Variants in LYPD5 observed in about 807,000 individuals in gnomAD.
LYPD5 encodes the protein LY6/PLAUR domain containing 5, also known as ly6/PLAUR domain-containing protein 5.
In LYPD5, 21 loss-of-function variants were observed where a neutral mutation model predicts 19.1. That is an observed-to-expected ratio of 1.10 (90% CI 0.78 to 1.58). The LOEUF is 1.58. LYPD5 is among the 40% of genes most tolerant of loss of function. The probability of loss-of-function intolerance (pLI) is 0.00; values close to 1 mark genes in which losing one functional copy is unlikely to be tolerated. For synonymous variants in LYPD5, 128 were observed against 142.7 expected (o/e 0.90, Z 0.74); for missense variants, 287 against 329.8 (o/e 0.87, Z 1.00).
intron 1 of LYPD5, among the ~76,000 whole-genome samples, chr19:43,811,648 TGCC>T (rs1199518182): frequency 8.0e-5 from 12 of 150,424 alleles, no homozygotes; most frequent in African/African-American, 2.9e-4. Context: ...ATCACGCCAC[TGCC>T]CTCTAGCCTG....
rs1970235613 is a variant in LYPD5, at chr19:43,802,408, C to T, written c.-28G>A. The T allele has an allele frequency of 6.5e-7, 1 of 1,549,332 alleles. No homozygotes were observed. The highest frequency in any genetic ancestry group is 1.4e-5 in the African/African-American group (1 of 72,982). On this transcript the variant is annotated 5_prime_UTR_variant, in exon 1 of 5. Transcript: ENST00000377950. ...CTGAGCTGGGCCACCTGGGACAGCT[C>T]CTCCCGCTGTGATGTGCTGCCTGGC... is the stretch of plus-strand genomic sequence containing the variant.
intron 1 of LYPD5, 94 bp from the exon 2 acceptor site, chr19:43,799,928 T>G (rs1326423527): frequency 1.4e-6 from 2 of 1,417,832 alleles, no homozygotes; most frequent in African/African-American, 2.9e-5. Flanking sequence ...CACACGGGCC[T>G]GGCCCCTCTG....
upstream of LYPD5, among the ~76,000 whole-genome samples, chr19:43,802,739 C>G (rs890072851): frequency 6.6e-6 from 1 of 152,110 alleles, no homozygotes; most frequent in Non-Finnish European, 1.5e-5. Flanking sequence ...CCCCAACACA[C>G]ACCACCCACA....
chr19:43,801,289 C>T (rs1970221154), intron 1 of LYPD5, among the ~76,000 whole-genome samples: 1 of 152,084 alleles, frequency 6.6e-6, no homozygotes, highest in Non-Finnish European at 1.5e-5. Flanking sequence ...TGCTTGAGCT[C>T]AGGAGTTTGA....
intron 1 of LYPD5, among the ~76,000 whole-genome samples, chr19:43,809,367 T>C (rs1214254649): frequency 1.3e-5 from 2 of 150,962 alleles, no homozygotes; most frequent in African/African-American, 4.9e-5. Flanking sequence ...TTGTGCCAAG[T>C]GAAAGGACTT....
At position 43,796,363 on chromosome 19, in the gene LYPD5, A is replaced by G. The variant is rs1239369989; in HGVS notation, c.*1228T>C. On this transcript the variant is annotated 3_prime_UTR_variant, in exon 5 of 5. Coordinates refer to ENST00000377950, the MANE Select transcript of LYPD5 (RefSeq NM_001031749.3). Reference sequence around the variant, plus strand: ...GAACATGCTAAAGGATCCCATCTCTATGAAGTTCATGCAGTTATGAAAGTG... The same window carrying G: ...GAACATGCTAAAGGATCCCATCTCTGTGAAGTTCATGCAGTTATGAAAGTG... 1 of 148,674 alleles carries G rather than the reference A, an allele frequency of 6.7e-6. No individual in the cohort carries two copies. The highest frequency in any genetic ancestry group is 2.5e-5 in the African/African-American group (1 of 40,220). The allele number at this position is 148,674 out of a possible 1,614,324, so 9.2% of individuals were successfully genotyped here. A position where few individuals can be genotyped will look rare whatever the true frequency, so the allele number is the denominator to read the frequency against.
chr19:43,804,055 C>A (rs754310131), upstream of LYPD5, among the ~76,000 whole-genome samples: 1 of 152,154 alleles, frequency 6.6e-6, no homozygotes, highest in South Asian at 2.1e-4. Flanking sequence ...CCAGGCTGGT[C>A]TTGAATTCCT....
chr19:43,819,355 G>C (rs2146511402), intron 1 of LYPD5, among the ~76,000 whole-genome samples: 1 of 139,556 alleles, frequency 7.2e-6, no homozygotes, highest in Middle Eastern at 3.9e-3. Flanking sequence ...CATGATCTCA[G>C]CTCACTGCAA....
upstream of LYPD5, among the ~76,000 whole-genome samples, chr19:43,807,314 CTT>C (rs1289009345): frequency 1.4e-5 from 2 of 143,230 alleles, no homozygotes; most frequent in Non-Finnish European, 3.0e-5. Context: ...GAGTTTCGCT[CTT>C]GTTACCCAGG....
Position 43,797,354 on chromosome 19 carries a change from C to A in LYPD5, c.*237G>T. ...AGTAACAGCTGTGATCAGAATTGCT[C>A]TTCATCGGGGCACGACATGGCTGTT... On this transcript the variant is annotated 3_prime_UTR_variant, in exon 5 of 5. Coordinates refer to ENST00000377950, the MANE Select transcript of LYPD5 (RefSeq NM_001031749.3). 1 of 518,860 alleles carries A rather than the reference C, an allele frequency of 1.9e-6. No individual in the cohort carries two copies. Among genetic ancestry groups the A allele is most frequent in the Non-Finnish European group, 3.4e-6 (1 of 291,412 alleles). 32.1% of individuals were successfully genotyped at this position (518,860 alleles called of 1,614,324 possible). A position where few individuals can be genotyped will look rare whatever the true frequency, so the allele number is the denominator to read the frequency against.
Position 43,796,506 on chromosome 19 carries a change from T to C in LYPD5, c.*1085A>G, listed in dbSNP as rs984518930. On this transcript the variant is annotated 3_prime_UTR_variant, in exon 5 of 5. Transcript: ENST00000377950. Reference sequence around the variant, plus strand: ...TCCTGCTTCTTTTTGCCAGCTACTATTGATCCTTTAGGATTTTGCTCAAGG... The same window carrying C: ...TCCTGCTTCTTTTTGCCAGCTACTACTGATCCTTTAGGATTTTGCTCAAGG... 1 of 152,592 alleles carries C rather than the reference T, an allele frequency of 6.6e-6. No homozygotes were observed. The highest frequency in any genetic ancestry group is 2.4e-5 in the African/African-American group (1 of 41,452). The allele number at this position is 152,592 out of a possible 1,614,324, so 9.5% of individuals were successfully genotyped here.
chr19:43,807,981 C>A (rs1970285977), intron 1 of LYPD5, among the ~76,000 whole-genome samples: 1 of 152,184 alleles, frequency 6.6e-6, no homozygotes, highest in South Asian at 2.1e-4. Context: ...TTTTTTCCAC[C>A]TCTTTGAAAT....
chr19:43,804,862 A>T (rs1970257533), upstream of LYPD5, among the ~76,000 whole-genome samples: 1 of 152,208 alleles, frequency 6.6e-6, no homozygotes, highest in South Asian at 2.1e-4. Flanking sequence ...GAAGGTCTTC[A>T]CAGCAGTTGT....
At chr19:43,820,360 CATA>C in intron 1 of LYPD5, 1 of 152,444 alleles carries the variant, frequency 6.6e-6, no homozygotes, top group South Asian at 2.1e-4. Context: ...CTATCACGCA[CATA>C]ATATTGCACA....
chr19:43,798,240 CCTCCCT>C (rs1970163634), intron 4 of LYPD5, among the ~76,000 whole-genome samples: 2 of 142,738 alleles, frequency 1.4e-5, no homozygotes, highest in Non-Finnish European at 3.0e-5. Context: ...GGTCATGCCT[CCTCCCT>C]CAGACCAGGG....
At chr19:43,815,779 C>G (rs943703787) in intron 1 of LYPD5, 2 of 402,448 alleles carry the variant, frequency 5.0e-6, no homozygotes, top group African/African-American at 2.1e-5. Context: ...ACTTTGTCAC[C>G]CTGGCTGGAG....
intron 4 of LYPD5, 137 bp from the exon 5 acceptor site, chr19:43,797,966 C>G: frequency 1.5e-6 from 1 of 683,354 alleles, no homozygotes; most frequent in Admixed American, 2.6e-5. Context: ...AGGGCCAGGC[C>G]TCCCTCAGAC....
chr19:43,812,370 TATCTATCAATCTATC>T (rs374024983), intron 1 of LYPD5, among the ~76,000 whole-genome samples: 11,072 of 141,858 alleles, frequency 0.078, 464 homozygotes, highest in Middle Eastern at 0.1. Flanking sequence ...TCTATCTATC[TATCTATCAATCTATC>T]ATCTATCTAT....
At chr19:43,802,283 C>T (rs1430537374) in intron 1 of LYPD5, 34 bp downstream of exon 1, 5 of 1,540,906 alleles carry the variant, frequency 3.2e-6, no homozygotes, top group African/African-American at 1.4e-5. Context: ...GGCCACCTGC[C>T]CCTTCTCACT....
Sources: gnomAD v4.1 joint callset for allele counts (sites outside exome capture counted in the v4.1 genomes callset) on GRCh38, gnomAD v4.1.1 for gene constraint, MANE v1.5 for transcripts, NCBI Gene and HGNC (gene_info 2026-07-23, HGNC 2026-07-21) for gene names.